LSAMP: variants seen among roughly 807,000 people sequenced by gnomAD.
LSAMP encodes the protein limbic system-associated membrane protein.
Under a neutral mutation model 38.6 loss-of-function variants are expected in LSAMP, and 7 were observed. The observed-to-expected ratio is 0.18, with a 90% CI of 0.10 to 0.34. The LOEUF is 0.34. Among genes scored for constraint, LSAMP ranks in the 10% least tolerant of loss-of-function variants. The pLI, the probability that LSAMP is intolerant of heterozygous loss-of-function variation, is 1.00. For synonymous variants in LSAMP, 154 were observed against 166.8 expected (o/e 0.92, Z 0.59); for missense variants, 313 against 420.0 (o/e 0.75, Z 2.23).
intron 1 of LSAMP, among the ~76,000 whole-genome samples, chr3:116,391,159 A>G (rs1311479576): frequency 1.3e-5 from 2 of 152,212 alleles, no homozygotes; most frequent in East Asian, 3.8e-4. Context: ...TTTCCAGGGA[A>G]TGATTCCGGG....
intron 6 of LSAMP, among the ~76,000 whole-genome samples, chr3:115,827,980 G>C (rs765723375): frequency 3.3e-5 from 5 of 152,154 alleles, no homozygotes; most frequent in Non-Finnish European, 7.4e-5. Flanking sequence ...AATATCATGA[G>C]GCTGCAATGA....
chr3:115,953,612 TA>T (rs1559894918), intron 3 of LSAMP, among the ~76,000 whole-genome samples: 1 of 152,168 alleles, frequency 6.6e-6, no homozygotes, highest in Non-Finnish European at 1.5e-5. Flanking sequence ...TTGCTGCCAT[TA>T]ACGTGATCTG....
intron 1 of LSAMP, among the ~76,000 whole-genome samples, chr3:116,264,816 A>G (rs1182237319): frequency 1.3e-5 from 2 of 152,122 alleles, no homozygotes; most frequent in Admixed American, 1.3e-4. Context: ...TATGTTGCTC[A>G]GGCTGGTCTC....
At chr3:115,820,076 G>A (rs1429741359) in intron 6 of LSAMP, among the ~76,000 whole-genome samples, 1 of 151,588 alleles carries the variant, frequency 6.6e-6, no homozygotes. Flanking sequence ...TCTTTAAGAG[G>A]GGATTTTCTG....
At chr3:116,416,977 AG>A (rs1346502182) in intron 1 of LSAMP, among the ~76,000 whole-genome samples, 4 of 152,196 alleles carry the variant, frequency 2.6e-5, no homozygotes, top group African/African-American at 9.7e-5. Context: ...GAAGGCAGGG[AG>A]GAAAAGTGAA....
intron 1 of LSAMP, among the ~76,000 whole-genome samples, chr3:116,212,655 A>T (rs1009887687): frequency 6.6e-6 from 1 of 152,234 alleles, no homozygotes; most frequent in African/African-American, 2.4e-5. Context: ...TGAACATGTA[A>T]CTAATGTAGG....
chr3:116,239,684 C>T (rs887044661), intron 1 of LSAMP, among the ~76,000 whole-genome samples: 12 of 152,082 alleles, frequency 7.9e-5, no homozygotes, highest in Non-Finnish European at 2.9e-5. Context: ...AGCTCTCTAT[C>T]CCTGGAAGAG....
intron 1 of LSAMP, among the ~76,000 whole-genome samples, chr3:116,164,525 G>T (rs1409902619): frequency 6.9e-6 from 1 of 145,176 alleles, no homozygotes; most frequent in Non-Finnish European, 1.5e-5. Flanking sequence ...AAACTGTTTA[G>T]TAAGTAATCT....
chr3:115,828,751 T>TA (rs1413450127), intron 6 of LSAMP, among the ~76,000 whole-genome samples: 1 of 152,236 alleles, frequency 6.6e-6, no homozygotes, highest in Non-Finnish European at 1.5e-5. Context: ...TTGAAAATTT[T>TA]TTTTTCTATA....
chr3:115,935,179 T>C (rs1937657409), intron 3 of LSAMP, among the ~76,000 whole-genome samples: 1 of 151,810 alleles, frequency 6.6e-6, no homozygotes, highest in Non-Finnish European at 1.5e-5. Flanking sequence ...AGGAATAAAA[T>C]ATGAAAGGAA....
At chr3:116,260,208 A>G (rs1484757884) in intron 1 of LSAMP, among the ~76,000 whole-genome samples, 1 of 152,110 alleles carries the variant, frequency 6.6e-6, no homozygotes, top group East Asian at 1.9e-4. Flanking sequence ...ACATTTGTAT[A>G]GTAAATTTAA....
intron 1 of LSAMP, among the ~76,000 whole-genome samples, chr3:116,283,765 GTCC>G (rs2047158927): frequency 6.6e-6 from 1 of 152,116 alleles, no homozygotes; most frequent in Non-Finnish European, 1.5e-5. Flanking sequence ...TTCCTCCTCA[GTCC>G]TCCTTAGTTT....
intron 2 of LSAMP, among the ~76,000 whole-genome samples, chr3:116,084,626 A>G (rs1026778987): frequency 6.6e-6 from 1 of 152,178 alleles, no homozygotes; most frequent in African/African-American, 2.4e-5. Context: ...CAAGGGATAT[A>G]GTGCTCAGAT....
At chr3:116,235,713 A>G (rs989189251) in intron 1 of LSAMP, among the ~76,000 whole-genome samples, 12 of 152,214 alleles carry the variant, frequency 7.9e-5, no homozygotes, top group Non-Finnish European at 1.5e-4. Flanking sequence ...TTTTTCTCTG[A>G]AGCAATCTAA....
rs115604825 is a variant in LSAMP at position 116,259,159 on chromosome 3, G to A, written c.156-172603C>T. Among the ~76,000 whole-genome samples, 800 of 152,238 alleles carry A rather than the reference G, an allele frequency of 5.3e-3. 13 individuals are homozygous for A. Among genetic ancestry groups the A allele is most frequent in the African/African-American group, 0.018 (769 of 41,568 alleles). On this transcript the variant is annotated intron_variant, in intron 1 of 6. Coordinates refer to ENST00000490035, the MANE Select transcript of LSAMP (RefSeq NM_002338.5). Reference sequence around the variant, plus strand: ...TTGTTCAGTGGCTCTGCAGTCAGCTGTTAGATTTTCACAACCATACATTTA... The same window carrying A: ...TTGTTCAGTGGCTCTGCAGTCAGCTATTAGATTTTCACAACCATACATTTA...
chr3:115,932,968 G>A (rs1349523590), intron 3 of LSAMP, among the ~76,000 whole-genome samples: 2 of 152,136 alleles, frequency 1.3e-5, no homozygotes, highest in African/African-American at 4.8e-5. Context: ...GTTAGAGGAG[G>A]GAAGCGAAAC....
chr3:116,310,859 T>C (rs1051025781), intron 1 of LSAMP, among the ~76,000 whole-genome samples: 1 of 151,476 alleles, frequency 6.6e-6, no homozygotes, highest in African/African-American at 2.4e-5. Context: ...AAAATATTGA[T>C]AGTTATAACT....
At chr3:116,071,233 A>G (rs1707598933) in intron 2 of LSAMP, among the ~76,000 whole-genome samples, 2 of 151,356 alleles carry the variant, frequency 1.3e-5, no homozygotes, top group African/African-American at 4.8e-5. Context: ...AGGGCTAAAG[A>G]AGAAAAAATA....
chr3:116,275,677 G>C (rs1348580332), intron 1 of LSAMP, among the ~76,000 whole-genome samples: 1 of 152,078 alleles, frequency 6.6e-6, no homozygotes, highest in Non-Finnish European at 1.5e-5. Context: ...ACTGTGTGTA[G>C]AAATTCAAAA....
Sources: allele counts gnomAD v4.1 joint callset (sites outside exome capture counted in the v4.1 genomes callset), GRCh38; gene constraint gnomAD v4.1.1; transcripts MANE v1.5; gene names NCBI Gene and HGNC (gene_info 2026-07-23, HGNC 2026-07-21).